SLC35F1: variants seen among roughly 807,000 people sequenced by gnomAD.
SLC35F1 encodes the protein chromosome 6 open reading frame 169.
A neutral mutation model predicts 48.7 loss-of-function variants in SLC35F1; 14 were observed. That is an observed-to-expected ratio of 0.29 (90% CI 0.19 to 0.45). SLC35F1 has a LOEUF of 0.45. Among genes scored for constraint, SLC35F1 ranks in the 20% least tolerant of loss-of-function variants. The pLI is 1.00. For synonymous variants in SLC35F1, 190 were observed against 202.2 expected, an observed-to-expected ratio of 0.94 and a Z score of 0.51; for missense variants, 404 against 500.0, an observed-to-expected ratio of 0.81 and a Z score of 1.83.
intron 1 of SLC35F1, among the ~76,000 whole-genome samples, chr6:118,011,100 TTG>T (rs1777239795): frequency 6.6e-6 from 1 of 152,172 alleles, no homozygotes; most frequent in Non-Finnish European, 1.5e-5. Flanking sequence ...AGGGACAGTT[TTG>T]TGGTAGACAG....
At chr6:118,090,561 T>C (rs1232332094) in intron 1 of SLC35F1, among the ~76,000 whole-genome samples, 1 of 152,102 alleles carries the variant, frequency 6.6e-6, no homozygotes, top group Non-Finnish European at 1.5e-5. Context: ...ATTCTGTCTA[T>C]GTAAAGGCTC....
intron 1 of SLC35F1, among the ~76,000 whole-genome samples, chr6:117,971,214 T>C (rs545917006): frequency 1.1e-4 from 16 of 152,172 alleles, no homozygotes; most frequent in Admixed American, 2.6e-4. Context: ...CGAAATCCAA[T>C]AGGGCAGTCA....
intron 1 of SLC35F1, among the ~76,000 whole-genome samples, chr6:118,073,853 T>C (rs373514947): frequency 6.6e-6 from 1 of 152,206 alleles, no homozygotes; most frequent in East Asian, 1.9e-4. Context: ...ATTTGTTAAA[T>C]TGGTCCACAC....
chr6:117,953,339 T>G (rs1776386560), intron 1 of SLC35F1, among the ~76,000 whole-genome samples: 1 of 152,196 alleles, frequency 6.6e-6, no homozygotes, highest in African/African-American at 2.4e-5. Context: ...GACAACCTTA[T>G]TATTTGCTTT....
intron 2 of SLC35F1, among the ~76,000 whole-genome samples, chr6:118,168,494 A>C (rs1404301865): frequency 1.3e-5 from 2 of 152,182 alleles, no homozygotes; most frequent in Non-Finnish European, 2.9e-5. Context: ...AGTTATGTGA[A>C]TATGGTCTCC....
intron 7 of SLC35F1, among the ~76,000 whole-genome samples, chr6:118,301,488 G>C (rs1366262211): frequency 6.6e-6 from 1 of 152,068 alleles, no homozygotes; most frequent in Non-Finnish European, 1.5e-5. Flanking sequence ...GTGTTAAGGG[G>C]GGGTATGAAG....
intron 1 of SLC35F1, among the ~76,000 whole-genome samples, chr6:118,129,506 A>G (rs1260356840): frequency 6.6e-6 from 1 of 152,154 alleles, no homozygotes; most frequent in Non-Finnish European, 1.5e-5. Context: ...AACAGATTGA[A>G]GGGGGACCCT....
rs141901947 is a variant in SLC35F1 at position 117,956,999 on chromosome 6, T to C, written c.173+49100T>C. Among the ~76,000 whole-genome samples the C allele has an allele frequency of 5.3e-5, 8 of 152,306 alleles. No individual in the cohort carries two copies. The East Asian group carries it at 1.5e-3, about 29-fold the overall frequency. On this transcript the variant is annotated intron_variant, in intron 1 of 7. Coordinates refer to ENST00000360388, the MANE Select transcript of SLC35F1 (RefSeq NM_001029858.4). ...GGTCCATGGAGCAATATTCTAAGCC[T>C]GCGGTGATGACTTCCTTCCTGGCCC...
chr6:118,225,413 G>C (rs1291699632), intron 2 of SLC35F1, among the ~76,000 whole-genome samples: 2 of 152,118 alleles, frequency 1.3e-5, no homozygotes, highest in Non-Finnish European at 2.9e-5. Flanking sequence ...TTCAATAAAT[G>C]ATCCTGGAAA....
intron 4 of SLC35F1, among the ~76,000 whole-genome samples, chr6:118,267,691 G>A (rs1775792446): frequency 6.6e-6 from 1 of 152,176 alleles, no homozygotes; most frequent in Non-Finnish European, 1.5e-5. Context: ...AATTTTAGGA[G>A]GGAGAGTTAA....
intron 2 of SLC35F1, among the ~76,000 whole-genome samples, chr6:118,164,375 C>T (rs566809918): frequency 6.6e-6 from 1 of 152,182 alleles, no homozygotes; most frequent in South Asian, 2.1e-4. Context: ...ATCTTTAAGA[C>T]TCATATTTAG....
intron 1 of SLC35F1, among the ~76,000 whole-genome samples, chr6:117,931,927 A>G (rs1425823203): frequency 6.6e-6 from 1 of 152,190 alleles, no homozygotes; most frequent in African/African-American, 2.4e-5. Flanking sequence ...TGTGGTTTGA[A>G]TGTTTGTATC....
chr6:118,303,863 C>G (rs993814160), intron 7 of SLC35F1, among the ~76,000 whole-genome samples: 2 of 152,198 alleles, frequency 1.3e-5, no homozygotes, highest in Non-Finnish European at 2.9e-5. Context: ...CTTAAAGGCC[C>G]TGTCTCCAAG....
chr6:118,010,141 CTTTAGTA>C (rs1367386591), intron 1 of SLC35F1, among the ~76,000 whole-genome samples: 1 of 152,100 alleles, frequency 6.6e-6, no homozygotes, highest in Non-Finnish European at 1.5e-5. Flanking sequence ...CATAGAGGAA[CTTTAGTA>C]TTTAGATCTC....
intron 1 of SLC35F1, among the ~76,000 whole-genome samples, chr6:118,145,921 G>A (rs910903873): frequency 2.6e-5 from 4 of 152,142 alleles, no homozygotes; most frequent in Admixed American, 1.3e-4. Context: ...TTACGGTAAA[G>A]ATGGCTGCAA....
intron 1 of SLC35F1, among the ~76,000 whole-genome samples, chr6:117,922,189 G>A (rs1233316453): frequency 1.3e-5 from 2 of 152,130 alleles, no homozygotes; most frequent in African/African-American, 2.4e-5. Flanking sequence ...TAATGAGTTA[G>A]TGGTGTGCTT....
chr6:118,169,852 C>A (rs1006032273), intron 2 of SLC35F1, among the ~76,000 whole-genome samples: 1 of 152,138 alleles, frequency 6.6e-6, no homozygotes, highest in African/African-American at 2.4e-5. Flanking sequence ...GTGCTCTATT[C>A]TGTGAGCCAA....
chr6:118,226,227 T>A (rs1019420020), intron 2 of SLC35F1, among the ~76,000 whole-genome samples: 2 of 152,264 alleles, frequency 1.3e-5, no homozygotes, highest in African/African-American at 4.8e-5. Context: ...GGTGACGATA[T>A]GAAGAAAGGC....
chr6:118,124,467 T>C (rs1773595639), intron 1 of SLC35F1, among the ~76,000 whole-genome samples: 1 of 152,042 alleles, frequency 6.6e-6, no homozygotes, highest in Non-Finnish European at 1.5e-5. Flanking sequence ...TATTGGAACC[T>C]TTATATTCCA....
Sources: allele counts gnomAD v4.1 joint callset (sites outside exome capture counted in the v4.1 genomes callset), GRCh38; gene constraint gnomAD v4.1.1; transcripts MANE v1.5; gene names NCBI Gene and HGNC (gene_info 2026-07-23, HGNC 2026-07-21).